The following CMPK2 variants were observed in gnomAD, a reference collection of about 807,000 sequenced individuals.
The protein encoded by CMPK2 is UMP-CMP kinase 2, mitochondrial.
A neutral mutation model predicts 33.4 loss-of-function variants in CMPK2; 32 were observed. That is an observed-to-expected ratio of 0.96 (90% CI 0.72 to 1.29). The LOEUF is 1.29. Ranked by LOEUF, CMPK2 falls within the 50% of genes most tolerant of loss-of-function variation. CMPK2 has a pLI of 0.00. For synonymous variants in CMPK2, 299 were observed against 275.3 expected (o/e 1.09, Z -0.85); for missense variants, 672 against 616.0 (o/e 1.09, Z -0.96).
chr2:6,847,892 C>T (rs556108516), downstream of CMPK2, among the ~76,000 whole-genome samples: 158 of 152,102 alleles, frequency 1.0e-3, no homozygotes, highest in Non-Finnish European at 1.9e-3. Context: ...ATTACATTAC[C>T]ATGGAAGAAA....
At chr2:6,864,726 C>T (rs568953250) in intron 1 of CMPK2, among the ~76,000 whole-genome samples, 88 of 152,280 alleles carry the variant, frequency 5.8e-4, no homozygotes, top group African/African-American at 2.1e-3. Flanking sequence ...ACATTATTTT[C>T]CCTCACTCCC....
chr2:6,865,602 C>T lies in CMPK2; in HGVS notation c.95G>A (p.Arg32His). Residue 32 changes from arginine (R) to histidine (H), a missense_variant, in exon 1 of 5, where the codon CGC becomes CAC. By Grantham distance (29) the Arg-to-His change is conservative (BLOSUM62 0). Transcript: ENST00000256722. ...GCAGTCGGGAAGCTCCAGGACGAAG[C>T]GGCGCGGCGGAGCCATGGCCCCAGC... is the stretch of plus-strand genomic sequence containing the variant. Reference protein sequence around the residue: ...VCAGAMAPPRRFVLELPDCTL... With the variant: ...VCAGAMAPPRHFVLELPDCTL... The T allele has an allele frequency of 1.4e-6, 2 of 1,393,428 alleles. No homozygotes were observed. Among genetic ancestry groups the T allele is most frequent in the Non-Finnish European group, 9.3e-7 (1 of 1,073,674 alleles). The allele number at this position is 1,393,428 out of a possible 1,614,324, so 86.3% of individuals were successfully genotyped here. A position where few individuals can be genotyped will look rare whatever the true frequency, so the allele number is the denominator to read the frequency against.
At chr2:6,861,525 A>G in intron 2 of CMPK2, 140 bp from the exon 3 acceptor site, 4 of 681,498 alleles carry the variant, frequency 5.9e-6, no homozygotes, top group Non-Finnish European at 9.9e-6. Context: ...AAAGCTGTAG[A>G]CCCATAGGAA....
chr2:6,865,881 C>G lies in CMPK2; in HGVS notation c.-185G>C. On this transcript the variant is annotated 5_prime_UTR_variant, in exon 1 of 5. Transcript: ENST00000256722. ...GAGCCCTGGGGCTGGGGCGCCCTTC[C>G]GGCCTCTCCTCCTCGCCGCGAGATG... 1.4e-6 allele frequency: 2 copies of G among 1,393,338 alleles called. No individual in the cohort carries two copies. Among genetic ancestry groups the G allele is most frequent in the Non-Finnish European group, 1.9e-6 (2 of 1,075,220 alleles). 86.3% of individuals were successfully genotyped at this position (1,393,338 alleles called of 1,614,324 possible).
In CMPK2 at chr2:6,865,425, G is replaced by C; in HGVS notation, c.272C>G (p.Ala91Gly). 3 of 1,304,148 alleles carry C rather than the reference G, an allele frequency of 2.3e-6. No individual in the cohort carries two copies. Among genetic ancestry groups the C allele is most frequent in the Non-Finnish European group, 1.9e-6 (2 of 1,032,486 alleles). The allele number at this position is 1,304,148 out of a possible 1,614,324, so 80.8% of individuals were successfully genotyped here. ...CAGCAGGCGCTGGTGCAGCCGCGCC[G>C]CCCGGACCCGGGCCCCGCAGCCGGC... is the stretch of plus-strand genomic sequence containing the variant. The part of the protein sequence containing the change: ...PDAGCGARVR[A>G]ARLHQRLLHQ... The change falls in exon 1 of 5, where the codon GCG (alanine) becomes GGG (glycine). Residue 91 changes from alanine to glycine, a missense_variant. Ala to Gly is a moderately conservative substitution (Grantham distance 60). Transcript: ENST00000256722.
intron 3 of CMPK2, among the ~76,000 whole-genome samples, chr2:6,857,242 A>T (rs1165985579): frequency 6.6e-6 from 1 of 151,832 alleles, no homozygotes; most frequent in African/African-American, 2.4e-5. Context: ...GTTCAGTATG[A>T]CCTGCTTGTC....
In CMPK2 at chr2:6,865,043, G is replaced by A. The variant is rs1432592448; in HGVS notation, c.654C>T (p.Ala218=). The change falls in exon 1 of 5, where the codon GCC becomes GCT. Residue 218 remains alanine (A), a synonymous_variant. Coordinates refer to ENST00000256722, the MANE Select transcript of CMPK2 (RefSeq NM_207315.4). The part of the protein sequence containing the change: ...PSSVVFPDRE[A]ARAVLEECTS... ...TTACCTCCTCCAAAACGGCCCGGGC[G>A]GCTTCCCGGTCCGGGAAGACCACGG... The A allele has an allele frequency of 1.4e-6, 2 of 1,433,606 alleles. No homozygotes were observed. The highest frequency in any genetic ancestry group is 1.5e-5 in the African/African-American group (1 of 66,860). 88.8% of individuals were successfully genotyped at this position (1,433,606 alleles called of 1,614,324 possible). A position where few individuals can be genotyped will look rare whatever the true frequency, so the allele number is the denominator to read the frequency against.
chr2:6,855,127 TTAATAA>T (rs1257252502), intron 3 of CMPK2, among the ~76,000 whole-genome samples: 2 of 146,692 alleles, frequency 1.4e-5, no homozygotes, highest in African/African-American at 2.5e-5. Context: ...GTTTTTGCCA[TTAATAA>T]TAATATCAAA....
intron 3 of CMPK2, among the ~76,000 whole-genome samples, chr2:6,852,755 C>T (rs1033804515): frequency 1.3e-5 from 2 of 152,124 alleles, no homozygotes; most frequent in Non-Finnish European, 2.9e-5. Flanking sequence ...TGAATTAGAA[C>T]GATTTCATTT....
chr2:6,846,923 G>C (rs922573855), downstream of CMPK2, among the ~76,000 whole-genome samples: 1 of 152,206 alleles, frequency 6.6e-6, no homozygotes, highest in Non-Finnish European at 1.5e-5. Flanking sequence ...AGATGTAACA[G>C]TCTCCCGTTG....
downstream of CMPK2, among the ~76,000 whole-genome samples, chr2:6,847,106 G>A (rs562468978): frequency 1.2e-4 from 18 of 152,226 alleles, no homozygotes; most frequent in African/African-American, 3.4e-4. Flanking sequence ...GGGGTTTTAC[G>A]GGCTGGAAAG....
chr2:6,852,549 T>G (rs1662555938), intron 3 of CMPK2, among the ~76,000 whole-genome samples: 1 of 152,194 alleles, frequency 6.6e-6, no homozygotes. Context: ...TTCTCCTCTG[T>G]GCTCTCAAAA....
intron 3 of CMPK2, among the ~76,000 whole-genome samples, chr2:6,843,021 G>A (rs1662269906): frequency 2.0e-5 from 3 of 151,878 alleles, no homozygotes; most frequent in African/African-American, 7.2e-5. Context: ...GGGACACAGA[G>A]GGGAATATCA....
Position 6,863,539 on chromosome 2 carries a change from G to A in CMPK2, c.715C>T (p.Leu239=), listed in dbSNP as rs752836400. 1.2e-6 allele frequency: 2 copies of A among 1,614,218 alleles called. No individual in the cohort carries two copies. Among genetic ancestry groups the A allele is most frequent in the Admixed American group, 1.7e-5 (1 of 60,028 alleles). ...ATCTGTTTTGGGCACTGGTCGACCA[G>A]GTCAAGCACTGCCCGGGCTTCAGGA... ...FIPEARAVLD[L]VDQCPKQIQK... The change falls in exon 2 of 5, where the codon CTG becomes TTG. Residue 239 remains leucine, a synonymous_variant. Transcript: ENST00000256722.
upstream of CMPK2, chr2:6,866,260 C>T (rs1407229867): frequency 9.1e-6 from 2 of 219,660 alleles, no homozygotes; most frequent in African/African-American, 4.7e-5. Flanking sequence ...TGGGCTCCCT[C>T]CCCGACCTCA....
In CMPK2 at chr2:6,865,150, T is replaced by A. The variant is rs1165428242; in HGVS notation, c.547A>T (p.Arg183Trp). ...TGTGCGCAGCCCACCTGCAGCCGCCTGCCGTCTTGCACCTCCCAGAGGCGC... is the reference window on the plus strand; with the variant it reads ...TGTGCGCAGCCCACCTGCAGCCGCCAGCCGTCTTGCACCTCCCAGAGGCGC... ...WQRLWEVQDG[R>W]RLQVGCAQVV... The change falls in exon 1 of 5, where the codon AGG (arginine) becomes TGG (tryptophan). Residue 183 changes from arginine (R) to tryptophan (W), a missense_variant. Coordinates refer to ENST00000256722, the MANE Select transcript of CMPK2 (RefSeq NM_207315.4). The A allele has an allele frequency of 6.5e-7, 1 of 1,532,312 alleles. No individual in the cohort carries two copies. Among genetic ancestry groups the A allele is most frequent in the South Asian group, 1.2e-5 (1 of 82,504 alleles). 94.9% of individuals were successfully genotyped at this position (1,532,312 alleles called of 1,614,324 possible).
At chr2:6,843,512 GT>G (rs1662280848), downstream of CMPK2, among the ~76,000 whole-genome samples, 1 of 152,134 alleles carries the variant, frequency 6.6e-6, no homozygotes, top group African/African-American at 2.4e-5. Flanking sequence ...AGGGAAGGAG[GT>G]GGGATCCTTA....
rs993433065 is a variant in CMPK2 at position 6,863,843 on chromosome 2, G to A, written c.676-265C>T. Among the ~76,000 whole-genome samples the A allele has an allele frequency of 3.9e-5, 6 of 152,238 alleles. No homozygotes were observed. The East Asian group carries it at 7.7e-4, about 20-fold the overall frequency. ...CCTTCACTGAGCAGCTTTGAGAAAG[G>A]CCAGGCAAGGCACATCATCACAATG... On this transcript the variant is annotated intron_variant, in intron 1 of 4. Transcript: ENST00000256722.
chr2:6,846,573 A>G (rs768627996), downstream of CMPK2, among the ~76,000 whole-genome samples: 2 of 152,242 alleles, frequency 1.3e-5, no homozygotes, highest in Non-Finnish European at 2.9e-5. Flanking sequence ...GGTTGGAGAC[A>G]TGATAGCCAC....
Sources: gnomAD v4.1 joint callset for allele counts (sites outside exome capture counted in the v4.1 genomes callset) on GRCh38, gnomAD v4.1.1 for gene constraint, MANE v1.5 for transcripts, NCBI Gene and HGNC (gene_info 2026-07-23, HGNC 2026-07-21) for gene names.